The following KIAA0825 variants were observed in gnomAD, a reference collection of about 807,000 sequenced individuals.
KIAA0825 encodes KIAA0825.
KIAA0825 carries 119 observed loss-of-function variants against 147.6 expected under a neutral mutation model. The ratio of observed to expected loss-of-function variants is 0.81; its 90% CI spans 0.69 to 0.94. The LOEUF (loss-of-function observed/expected upper bound fraction) is 0.94. KIAA0825 is among the 40% of genes least tolerant of loss of function. The pLI, the probability that KIAA0825 is intolerant of heterozygous loss-of-function variation, is 0.00. For synonymous variants in KIAA0825, 470 were observed against 518.1 expected (o/e 0.91, Z 1.26); for missense variants, 1,381 against 1,472.7 (o/e 0.94, Z 1.02).
intron 20 of KIAA0825, among the ~76,000 whole-genome samples, chr5:94,364,285 T>A (rs1269383837): frequency 1.3e-5 from 2 of 150,050 alleles, no homozygotes; most frequent in East Asian, 3.9e-4. Context: ...GAGTAGGGGG[T>A]GATGACAGTC....
At chr5:94,343,561 C>T (rs910585315) in intron 20 of KIAA0825, among the ~76,000 whole-genome samples, 10 of 151,912 alleles carry the variant, frequency 6.6e-5, no homozygotes, top group East Asian at 3.9e-4. Flanking sequence ...TAGTGGCGGG[C>T]GCCTGTAGTC....
intron 5 of KIAA0825, among the ~76,000 whole-genome samples, chr5:94,488,142 C>T (rs909487146): frequency 3.9e-5 from 6 of 152,162 alleles, no homozygotes; most frequent in African/African-American, 1.4e-4. Flanking sequence ...CAGGCTGGCC[C>T]TCCTCGGCCT....
intron 8 of KIAA0825, among the ~76,000 whole-genome samples, chr5:94,472,804 G>A (rs555804904): frequency 6.6e-6 from 1 of 152,188 alleles, no homozygotes; most frequent in African/African-American, 2.4e-5. Flanking sequence ...AAATCATTCT[G>A]GATTTAATGC....
intron 20 of KIAA0825, among the ~76,000 whole-genome samples, chr5:94,177,577 T>C (rs1340289667): frequency 6.6e-6 from 1 of 152,072 alleles, no homozygotes; most frequent in Non-Finnish European, 1.5e-5. Flanking sequence ...TGTATTAATA[T>C]TGGAGTGGGA....
chr5:94,308,682 A>C (rs576993581), intron 20 of KIAA0825, among the ~76,000 whole-genome samples: 1 of 151,788 alleles, frequency 6.6e-6, no homozygotes, highest in African/African-American at 2.4e-5. Context: ...TCATTCATTC[A>C]TTCATTAAAG....
chr5:94,271,573 C>A (rs1335214953), intron 20 of KIAA0825, among the ~76,000 whole-genome samples: 1 of 151,980 alleles, frequency 6.6e-6, no homozygotes, highest in South Asian at 2.1e-4. Flanking sequence ...CATGGTGAAA[C>A]CCTGTCTCTA....
At chr5:94,610,223 C>T (rs988478016) in intron 1 of KIAA0825, among the ~76,000 whole-genome samples, 6 of 150,876 alleles carry the variant, frequency 4.0e-5, no homozygotes, top group Non-Finnish European at 8.8e-5. Context: ...AGTTCGAGAC[C>T]AGCCTGGCCA....
intron 15 of KIAA0825, among the ~76,000 whole-genome samples, chr5:94,407,030 T>A (rs1295644177): frequency 1.3e-5 from 2 of 152,164 alleles, no homozygotes; most frequent in African/African-American, 4.8e-5. Flanking sequence ...GTAGTGATAC[T>A]GGTTGCTGCA....
Position 94,536,933 on chromosome 5 carries a change from C to T in KIAA0825, c.131+63G>A, listed in dbSNP as rs917471727. On this transcript the variant is annotated intron_variant, in intron 3 of 20. Transcript: ENST00000682413. ...ATCTAAGAGCAGGATACAAATAGAC[C>T]AGGTAAATTTCATATAAGTGAAATG... 12 of 1,140,972 alleles carry T rather than the reference C, an allele frequency of 1.1e-5. No homozygotes were observed. The Admixed American group carries it at 1.5e-4, about 14-fold the overall frequency. The allele number at this position is 1,140,972 out of a possible 1,614,324, so 70.7% of individuals were successfully genotyped here.
rs1427406110 is a variant in KIAA0825, at chr5:94,549,962, T to TAGAAAA, written c.-1-12836_-1-12835insTTTTCT. Among the ~76,000 whole-genome samples the TAGAAAA allele has an allele frequency of 2.0e-5, 3 of 151,572 alleles. No homozygotes were observed. In the East Asian group the frequency reaches 5.8e-4, roughly 29 times the overall value. Reference sequence around the variant, plus strand: ...GAAACAAAGAAAACAATAGAAAAGATCAATGAAACAAAAAGTTGGCTTTTT... The same window carrying TAGAAAA: ...GAAACAAAGAAAACAATAGAAAAGATAGAAAACAATGAAACAAAAAGTTGGCTTTTT... On this transcript the variant is annotated intron_variant, in intron 2 of 20. Transcript: ENST00000682413.
chr5:94,204,990 A>G (rs1175962398), intron 20 of KIAA0825, among the ~76,000 whole-genome samples: 1 of 152,092 alleles, frequency 6.6e-6, no homozygotes, highest in Non-Finnish European at 1.5e-5. Context: ...ATTCAGAGAA[A>G]CGTTTCTTCA....
At chr5:94,563,477 T>C (rs535153867) in intron 2 of KIAA0825, among the ~76,000 whole-genome samples, 15 of 152,196 alleles carry the variant, frequency 9.9e-5, no homozygotes, top group African/African-American at 3.4e-4. Flanking sequence ...GTCCACTCAA[T>C]ATAGATCAAT....
At chr5:94,585,935 T>C (rs1360915273) in intron 1 of KIAA0825, among the ~76,000 whole-genome samples, 3 of 152,100 alleles carry the variant, frequency 2.0e-5, no homozygotes, top group African/African-American at 7.2e-5. Flanking sequence ...TGCTCCTGAG[T>C]GATTACCGGG....
chr5:94,278,153 C>T (rs1283374505), intron 20 of KIAA0825, among the ~76,000 whole-genome samples: 1 of 152,012 alleles, frequency 6.6e-6, no homozygotes, highest in Non-Finnish European at 1.5e-5. Flanking sequence ...AGGACAAATA[C>T]CTAATGCATG....
chr5:94,301,045 T>C (rs1778376080), intron 20 of KIAA0825, among the ~76,000 whole-genome samples: 1 of 152,188 alleles, frequency 6.6e-6, no homozygotes, highest in Non-Finnish European at 1.5e-5. Context: ...CTGGCCCTAA[T>C]ACTGAATCAC....
intron 14 of KIAA0825, among the ~76,000 whole-genome samples, chr5:94,425,856 T>C (rs538869907): frequency 6.6e-6 from 1 of 152,030 alleles, no homozygotes; most frequent in Non-Finnish European, 1.5e-5. Context: ...ATTTCTCTGA[T>C]AATTAGTGAT....
chr5:94,273,763 T>C (rs1026725180), intron 20 of KIAA0825, among the ~76,000 whole-genome samples: 1 of 151,170 alleles, frequency 6.6e-6, no homozygotes, highest in Non-Finnish European at 1.5e-5. Context: ...TTGTGAGGAC[T>C]GATGTAATGG....
intron 14 of KIAA0825, among the ~76,000 whole-genome samples, chr5:94,429,525 G>A (rs1189089729): frequency 6.6e-6 from 1 of 152,086 alleles, no homozygotes; most frequent in Non-Finnish European, 1.5e-5. Flanking sequence ...GCCCATAGAT[G>A]GCACTTACAG....
rs770584304 is a variant in KIAA0825, at chr5:94,567,220, T to A, written c.-2+15213A>T. ...GAGGATATATTTCAATATCCTCCCA[T>A]TTGCAAGGTTTGTTTTCAATAATTG... On this transcript the variant is annotated intron_variant, in intron 2 of 20. Transcript: ENST00000682413. Among the ~76,000 whole-genome samples, 44 of 152,072 alleles carry A rather than the reference T, an allele frequency of 2.9e-4. 1 individual carries two copies. Among genetic ancestry groups the A allele is most frequent in the Non-Finnish European group, 1.0e-4 (7 of 68,036 alleles).
Sources: allele counts gnomAD v4.1 joint callset (sites outside exome capture counted in the v4.1 genomes callset), GRCh38; gene constraint gnomAD v4.1.1; transcripts MANE v1.5; gene names NCBI Gene and HGNC (gene_info 2026-07-23, HGNC 2026-07-21).